RNF13: variants seen among roughly 807,000 people sequenced by gnomAD.
RNF13 encodes the protein E3 ubiquitin-protein ligase RNF13.
In RNF13, 19 loss-of-function variants were observed where a neutral mutation model predicts 37.7. The observed-to-expected ratio is 0.50, with a 90% CI of 0.35 to 0.74. RNF13 has a LOEUF of 0.74. RNF13 is among the 30% of genes least tolerant of loss of function. RNF13 has a pLI of 0.01. For synonymous variants in RNF13, 144 were observed against 157.8 expected (o/e 0.91, Z 0.65); for missense variants, 375 against 453.0 (o/e 0.83, Z 1.56).
chr3:149,881,752 A>G (rs1713437076), intron 4 of RNF13, among the ~76,000 whole-genome samples: 1 of 152,228 alleles, frequency 6.6e-6, no homozygotes, highest in African/African-American at 2.4e-5. Flanking sequence ...CCCTACCAAA[A>G]ATGTTTTCTA....
chr3:149,845,806 T>C (rs1009289000), intron 1 of RNF13: 3 of 434,672 alleles, frequency 6.9e-6, no homozygotes, highest in Non-Finnish European at 8.2e-6. Context: ...ATGAGTTACA[T>C]AGGTATTGAC....
intron 1 of RNF13, among the ~76,000 whole-genome samples, chr3:149,842,626 G>T (rs913444029): frequency 6.6e-6 from 1 of 151,922 alleles, no homozygotes; most frequent in Non-Finnish European, 1.5e-5. Flanking sequence ...AAATATTAAG[G>T]GTTTACCTAT....
intron 8 of RNF13, among the ~76,000 whole-genome samples, chr3:149,945,991 A>G (rs1285628701): frequency 6.6e-6 from 1 of 152,228 alleles, no homozygotes; most frequent in Non-Finnish European, 1.5e-5. Flanking sequence ...AAAGCTGAAA[A>G]TTCTAAAAAT....
chr3:149,920,667 T>C (rs187099117), intron 7 of RNF13, among the ~76,000 whole-genome samples: 2 of 152,266 alleles, frequency 1.3e-5, no homozygotes, highest in African/African-American at 4.8e-5. Context: ...TTATCCGGCA[T>C]TTCTGAATAT....
At chr3:149,901,715 T>C (rs1262439980) in intron 5 of RNF13, among the ~76,000 whole-genome samples, 1 of 152,198 alleles carries the variant, frequency 6.6e-6, no homozygotes, top group Non-Finnish European at 1.5e-5. Context: ...CATTTAGGAA[T>C]TAAGTTATGT....
chr3:149,827,162 A>G (rs1720587601), intron 1 of RNF13, among the ~76,000 whole-genome samples: 1 of 152,176 alleles, frequency 6.6e-6, no homozygotes, highest in Non-Finnish European at 1.5e-5. Flanking sequence ...AAAAAAATGG[A>G]TGGTTGCATC....
chr3:149,928,367 C>G (rs1718851398), intron 8 of RNF13, among the ~76,000 whole-genome samples: 1 of 151,994 alleles, frequency 6.6e-6, no homozygotes, highest in Non-Finnish European at 1.5e-5. Context: ...TGAGGTAGGG[C>G]TCCCGGCTTA....
chr3:149,926,557 GTTATT>G (rs1284654559), intron 8 of RNF13, among the ~76,000 whole-genome samples: 1 of 152,084 alleles, frequency 6.6e-6, no homozygotes, highest in African/African-American at 2.4e-5. Context: ...TCATACAGAT[GTTATT>G]TTATATTACC....
intron 8 of RNF13, among the ~76,000 whole-genome samples, chr3:149,946,023 A>G (rs1720741776): frequency 6.6e-6 from 1 of 152,336 alleles, no homozygotes; most frequent in African/African-American, 2.4e-5. Context: ...TCCCCCTCCA[A>G]AGGAATGCAG....
intron 3 of RNF13, among the ~76,000 whole-genome samples, chr3:149,855,806 A>G (rs1351974219): frequency 6.6e-6 from 1 of 152,086 alleles, no homozygotes; most frequent in African/African-American, 2.4e-5. Flanking sequence ...TTATCTCCCT[A>G]TACTCTTGCC....
chr3:149,878,962 T>C (rs1713061611), intron 4 of RNF13, among the ~76,000 whole-genome samples: 1 of 152,154 alleles, frequency 6.6e-6, no homozygotes, highest in Non-Finnish European at 1.5e-5. Flanking sequence ...AGTTAGAGTG[T>C]GTTTTCTTTA....
chr3:149,938,301 C>T (rs1325089678), intron 8 of RNF13, among the ~76,000 whole-genome samples: 2 of 151,876 alleles, frequency 1.3e-5, no homozygotes, highest in African/African-American at 4.8e-5. Context: ...CTTCAGCCTC[C>T]CAAGTAGCTG....
chr3:149,833,980 G>A (rs187762733), intron 1 of RNF13, among the ~76,000 whole-genome samples: 9 of 152,002 alleles, frequency 5.9e-5, no homozygotes, highest in East Asian at 5.8e-4. Context: ...AAGTAACAGC[G>A]AACTATCCAA....
chr3:149,929,950 G>T (rs903553909), intron 8 of RNF13, among the ~76,000 whole-genome samples: 6 of 152,098 alleles, frequency 3.9e-5, no homozygotes, highest in Non-Finnish European at 7.4e-5. Context: ...TCTTGAAATG[G>T]AGTCTTGCTC....
chr3:149,924,401 A>G (rs1283583679), intron 8 of RNF13, among the ~76,000 whole-genome samples: 1 of 152,192 alleles, frequency 6.6e-6, no homozygotes, highest in East Asian at 1.9e-4. Flanking sequence ...GAGAGAGAGA[A>G]TACCAAAGAC....
At chr3:149,825,791 T>C (rs996245442) in intron 1 of RNF13, among the ~76,000 whole-genome samples, 26 of 152,222 alleles carry the variant, frequency 1.7e-4, no homozygotes, top group African/African-American at 6.0e-4. Flanking sequence ...TACTGACTTA[T>C]AATTCACATA....
At chr3:149,875,817 C>A (rs1319837140) in intron 4 of RNF13, among the ~76,000 whole-genome samples, 1 of 10,708 alleles carries the variant, frequency 9.3e-5, no homozygotes, top group Admixed American at 8.5e-4. Flanking sequence ...AAAACTGTAT[C>A]CTCTGAAAAA....
chr3:149,890,910 C>T (rs936787183), intron 4 of RNF13, among the ~76,000 whole-genome samples: 1 of 152,194 alleles, frequency 6.6e-6, no homozygotes, highest in East Asian at 1.9e-4. Flanking sequence ...AAGTTTCTAT[C>T]AGCTCTTCAC....
At chr3:149,916,318 A>G (rs1288698562) in intron 7 of RNF13, among the ~76,000 whole-genome samples, 2 of 152,164 alleles carry the variant, frequency 1.3e-5, no homozygotes, top group Admixed American at 1.3e-4. Flanking sequence ...AATTTCTACT[A>G]TTTGTGGAAT....
Sources: gnomAD v4.1 joint callset for allele counts (sites outside exome capture counted in the v4.1 genomes callset) on GRCh38, gnomAD v4.1.1 for gene constraint, MANE v1.5 for transcripts, NCBI Gene and HGNC (gene_info 2026-07-23, HGNC 2026-07-21) for gene names.